Variants in SYNPR observed in about 807,000 individuals in gnomAD.
SYNPR encodes the protein synaptoporin.
A neutral mutation model predicts 32.9 loss-of-function variants in SYNPR; 23 were observed. That is an observed-to-expected ratio of 0.70 (90% CI 0.50 to 0.99). SYNPR has a LOEUF of 0.99. SYNPR is among the 50% of genes least tolerant of loss of function. SYNPR has a pLI of 0.00. For missense variants in SYNPR, 318 were observed against 349.3 expected, an observed-to-expected ratio of 0.91 and a Z score of 0.71; for synonymous variants, 146 against 135.9, an observed-to-expected ratio of 1.07 and a Z score of -0.52.
intron 3 of SYNPR, among the ~76,000 whole-genome samples, chr3:63,528,822 T>G (rs1396725613): frequency 6.6e-6 from 1 of 152,120 alleles, no homozygotes; most frequent in Non-Finnish European, 1.5e-5. Context: ...CAGAGTTTGG[T>G]GCAATTCTGT....
At chr3:63,525,934 G>A (rs1468505932) in intron 3 of SYNPR, among the ~76,000 whole-genome samples, 1 of 152,188 alleles carries the variant, frequency 6.6e-6, no homozygotes, top group Non-Finnish European at 1.5e-5. Context: ...TGTACAAGAA[G>A]CATGGCATCA....
At chr3:63,595,801 TTA>T (rs10616514) in intron 4 of SYNPR, among the ~76,000 whole-genome samples, 4,269 of 38,166 alleles carry the variant, frequency 0.11, 559 homozygotes, top group East Asian at 0.22. Context: ...ATATATATAG[TTA>T]TATATATATA....
At chr3:63,587,351 A>T (rs1318058686) in intron 4 of SYNPR, among the ~76,000 whole-genome samples, 1 of 152,152 alleles carries the variant, frequency 6.6e-6, no homozygotes, top group East Asian at 1.9e-4. Flanking sequence ...TACAGATTTG[A>T]ACACCAAAGA....
chr3:63,512,721 T>C (rs907054613), intron 3 of SYNPR, among the ~76,000 whole-genome samples: 32 of 152,232 alleles, frequency 2.1e-4, no homozygotes, highest in African/African-American at 7.5e-4. Flanking sequence ...GAAAATGGAT[T>C]CTCGTCAGAG....
intron 3 of SYNPR, among the ~76,000 whole-genome samples, chr3:63,483,029 G>T (rs1701076986): frequency 6.6e-6 from 1 of 152,166 alleles, no homozygotes; most frequent in Non-Finnish European, 1.5e-5. Flanking sequence ...AATGTATATT[G>T]ATAAAGCCTT....
chr3:63,247,315 C>T (rs2086299921), intron 1 of SYNPR, among the ~76,000 whole-genome samples: 3 of 151,638 alleles, frequency 2.0e-5, no homozygotes, highest in Admixed American at 6.6e-5. Context: ...CTCTATGAAC[C>T]TTAGGTTTTG....
At chr3:63,398,249 C>T (rs1282452654) in intron 2 of SYNPR, among the ~76,000 whole-genome samples, 4 of 152,256 alleles carry the variant, frequency 2.6e-5, no homozygotes, top group Non-Finnish European at 2.9e-5. Flanking sequence ...AGAGCTGGCA[C>T]TTGGCAGCAC....
chr3:63,498,703 C>G (rs1169218619), intron 3 of SYNPR, among the ~76,000 whole-genome samples: 2 of 151,936 alleles, frequency 1.3e-5, no homozygotes, highest in Non-Finnish European at 2.9e-5. Context: ...GACCACAGTG[C>G]GTAAGTGCAG....
At chr3:63,356,708 A>C (rs763372813) in intron 2 of SYNPR, among the ~76,000 whole-genome samples, 6 of 152,204 alleles carry the variant, frequency 3.9e-5, no homozygotes, top group Non-Finnish European at 7.3e-5. Context: ...CCCCATGTCT[A>C]TATGTTCCTG....
At chr3:63,280,615 C>A (rs2086619817) in intron 2 of SYNPR, among the ~76,000 whole-genome samples, 1 of 152,074 alleles carries the variant, frequency 6.6e-6, no homozygotes, top group Admixed American at 6.6e-5. Context: ...CTATCCCAAG[C>A]TGAATGATTC....
At chr3:63,392,697 C>T (rs2088155335) in intron 2 of SYNPR, among the ~76,000 whole-genome samples, 1 of 152,100 alleles carries the variant, frequency 6.6e-6, no homozygotes, top group Non-Finnish European at 1.5e-5. Flanking sequence ...ATTTTTTTTC[C>T]AGAAGGTGGT....
At chr3:63,400,898 G>A (rs1344582794) in intron 2 of SYNPR, among the ~76,000 whole-genome samples, 3 of 152,188 alleles carry the variant, frequency 2.0e-5, no homozygotes, top group African/African-American at 7.2e-5. Flanking sequence ...AGTGTGTGAA[G>A]AGGTATAGCA....
At chr3:63,343,685 A>C (rs2107006025) in intron 2 of SYNPR, among the ~76,000 whole-genome samples, 1 of 152,298 alleles carries the variant, frequency 6.6e-6, no homozygotes, top group East Asian at 1.9e-4. Context: ...CGACAGTATA[A>C]ATTACCCTAG....
upstream of SYNPR, among the ~76,000 whole-genome samples, chr3:63,274,448 G>A (rs1187500880): frequency 6.6e-6 from 1 of 152,182 alleles, no homozygotes; most frequent in Non-Finnish European, 1.5e-5. Flanking sequence ...AATAATGCAA[G>A]TTCTTCTATT....
chr3:63,220,906 C>A, the SYNPR span, among the ~76,000 whole-genome samples: 1 of 152,154 alleles, frequency 6.6e-6, no homozygotes, highest in South Asian at 2.1e-4. Flanking sequence ...TTGGTCTTTT[C>A]TGTTAACTTA....
chr3:63,553,710 T>G (rs1321351395), intron 3 of SYNPR, among the ~76,000 whole-genome samples: 1 of 152,156 alleles, frequency 6.6e-6, no homozygotes, highest in Non-Finnish European at 1.5e-5. Context: ...CACTTCTATG[T>G]CTTTTTTGTT....
At chr3:63,425,160 C>T (rs77409112) in intron 2 of SYNPR, among the ~76,000 whole-genome samples, 2,502 of 152,178 alleles carry the variant, frequency 0.016, 77 homozygotes, top group African/African-American at 0.057. Flanking sequence ...ACGATATAAA[C>T]ATCAGGGAGG....
chr3:63,274,365 C>G (rs9881824), upstream of SYNPR, among the ~76,000 whole-genome samples: 96,814 of 150,808 alleles, frequency 0.64, 31,287 homozygotes, highest in Middle Eastern at 0.74. Context: ...ATTCAAAATG[C>G]TTGGTTTTGT....
intron 3 of SYNPR, among the ~76,000 whole-genome samples, chr3:63,542,367 C>T (rs952981325): frequency 6.6e-6 from 1 of 152,050 alleles, no homozygotes; most frequent in Non-Finnish European, 1.5e-5. Flanking sequence ...ATGCCCCCTT[C>T]GTTGGGGATA....
Sources: allele counts gnomAD v4.1 joint callset (sites outside exome capture counted in the v4.1 genomes callset), GRCh38; gene constraint gnomAD v4.1.1; transcripts MANE v1.5; gene names NCBI Gene and HGNC (gene_info 2026-07-23, HGNC 2026-07-21).